Variants in ZNF695 observed in about 807,000 individuals in gnomAD.
The protein encoded by ZNF695 is zinc finger protein 695, also known as zinc finger protein SBZF3.
A neutral mutation model predicts 11.2 loss-of-function variants in ZNF695; 11 were observed. The ratio of observed to expected loss-of-function variants is 0.98; its 90% CI spans 0.62 to 1.62. ZNF695 has a LOEUF of 1.62. Ranked by LOEUF, ZNF695 falls within the 40% of genes most tolerant of loss-of-function variation. ZNF695 has a pLI of 0.00. For synonymous variants in ZNF695, 190 were observed against 201.4 expected, an observed-to-expected ratio of 0.94 and a Z score of 0.48; for missense variants, 559 against 590.5, an observed-to-expected ratio of 0.95 and a Z score of 0.55.
intron 4 of ZNF695, among the ~76,000 whole-genome samples, chr1:246,972,931 G>GTA (rs57441901): frequency 0.12 from 17,879 of 144,958 alleles, 1,252 homozygotes; most frequent in Middle Eastern, 0.16. Flanking sequence ...TTTTTAATGT[G>GTA]TATATATATA....
At chr1:246,956,865 C>A (rs970607093) in intron 5 of ZNF695, among the ~76,000 whole-genome samples, 1 of 151,956 alleles carries the variant, frequency 6.6e-6, no homozygotes, top group African/African-American at 2.4e-5. Context: ...GAGATGATAA[C>A]GTTGTTGTGA....
At chr1:247,003,505 C>A (rs948738621) in intron 1 of ZNF695, among the ~76,000 whole-genome samples, 1 of 152,006 alleles carries the variant, frequency 6.6e-6, no homozygotes, top group Non-Finnish European at 1.5e-5. Flanking sequence ...TCATTATCTG[C>A]GTAATGAAAT....
At chr1:246,985,292 A>C (rs930579459), downstream of ZNF695, 5 of 984,582 alleles carry the variant, frequency 5.1e-6, no homozygotes, top group Non-Finnish European at 6.0e-6. Context: ...AATTTTGTGA[A>C]TAGTCCTTCA....
At chr1:246,953,944 C>CAAA (rs887310149) in intron 5 of ZNF695, among the ~76,000 whole-genome samples, 11 of 64,728 alleles carry the variant, frequency 1.7e-4, no homozygotes, top group African/African-American at 6.2e-4. Context: ...AACAAACAAG[C>CAAA]AAAAAAAAAA....
chr1:246,985,633 TCAAA>T lies in ZNF695; in HGVS notation c.*1330_*1333del, dbSNP rs1295138617. ...AATGTCTTATTAAAACAAATTAAGTTCAAACAGTCTAAAAAGAGCATTTCAAAAT... is the reference window on the plus strand; with the variant it reads ...AATGTCTTATTAAAACAAATTAAGTTCAGTCTAAAAAGAGCATTTCAAAAT... On this transcript the variant is annotated 3_prime_UTR_variant, in exon 4 of 4. Coordinates refer to ENST00000339986, the MANE Select transcript of ZNF695 (RefSeq NM_020394.5). 7.1e-6 allele frequency: 7 copies of T among 985,378 alleles called. No homozygotes were observed. Among genetic ancestry groups the T allele is most frequent in the African/African-American group, 1.7e-5 (1 of 57,362 alleles). The allele number at this position is 985,378 out of a possible 1,614,324, so 61.0% of individuals were successfully genotyped here. A position where few individuals can be genotyped will look rare whatever the true frequency, so the allele number is the denominator to read the frequency against.
At chr1:246,979,558 T>C (rs1196719143) in intron 4 of ZNF695, among the ~76,000 whole-genome samples, 1 of 152,212 alleles carries the variant, frequency 6.6e-6, no homozygotes, top group African/African-American at 2.4e-5. Context: ...AATTATCTTT[T>C]AATTGATAGC....
chr1:246,972,865 GCTTTC>G (rs1668462591), intron 4 of ZNF695, among the ~76,000 whole-genome samples: 1 of 150,980 alleles, frequency 6.6e-6, no homozygotes. Flanking sequence ...TTCTGCAGGT[GCTTTC>G]AGAAAAAAAA....
At chr1:246,976,613 T>C (rs1043281501) in intron 4 of ZNF695, among the ~76,000 whole-genome samples, 9 of 151,406 alleles carry the variant, frequency 5.9e-5, no homozygotes, top group Non-Finnish European at 7.4e-5. Flanking sequence ...GCTAACACGG[T>C]GAAACCCCGT....
chr1:246,980,732 T>C (rs1018138564), downstream of ZNF695, among the ~76,000 whole-genome samples: 2 of 152,148 alleles, frequency 1.3e-5, no homozygotes, highest in Non-Finnish European at 2.9e-5. Context: ...TTACCCATTT[T>C]TGAGTGTACA....
chr1:246,989,629 A>C (rs1668966720), intron 3 of ZNF695, among the ~76,000 whole-genome samples: 2 of 152,318 alleles, frequency 1.3e-5, no homozygotes, highest in South Asian at 4.1e-4. Flanking sequence ...TACCAATAAC[A>C]ACATTGAATG....
chr1:247,007,763 C>G (rs1033912690), intron 1 of ZNF695, 143 bp downstream of exon 1: 11 of 940,004 alleles, frequency 1.2e-5, no homozygotes, highest in African/African-American at 1.7e-5. Flanking sequence ...GACTGAGGGC[C>G]GAGCTGCGCC....
intron 5 of ZNF695, among the ~76,000 whole-genome samples, chr1:246,950,715 T>C (rs1667853025): frequency 6.6e-6 from 1 of 151,742 alleles, no homozygotes; most frequent in Non-Finnish European, 1.5e-5. Flanking sequence ...TTACAGGGAT[T>C]TGTAAAGCTA....
At position 246,987,703 on chromosome 1, in the gene ZNF695, T is replaced by C. The variant is rs754594341; in HGVS notation, c.812A>G (p.Glu271Gly). 6.3e-7 allele frequency: 1 copy of C among 1,594,754 alleles called. No individual in the cohort carries two copies. Among genetic ancestry groups the C allele is most frequent in the East Asian group, 2.2e-5 (1 of 44,808 alleles). The change falls in exon 4 of 4, where the codon GAA (glutamate) becomes GGA (glycine). Residue 271 changes from glutamate to glycine, a missense_variant. By Grantham distance (98) the Glu-to-Gly change is moderately conservative. Transcript: ENST00000339986. ...NHTEKKTYRC[E>G]ECGKAFNLCS... Reference sequence around the variant, plus strand: ...CAGGTTAAAAGCTTTGCCACATTCTTCACATCTGTAGGTTTTCTTTTCAGT... The same window carrying C: ...CAGGTTAAAAGCTTTGCCACATTCTCCACATCTGTAGGTTTTCTTTTCAGT...
rs975959936 is a variant in ZNF695, at chr1:246,967,599, T to C, written c.488+96A>G. The C allele has an allele frequency of 1.5e-5, 6 of 392,972 alleles. No homozygotes were observed. The highest frequency in any genetic ancestry group is 2.5e-5 in the Non-Finnish European group (5 of 196,474). The allele number at this position is 392,972 out of a possible 1,614,324, so 24.3% of individuals were successfully genotyped here. A position where few individuals can be genotyped will look rare whatever the true frequency, so the allele number is the denominator to read the frequency against. ...AGGTTTCAGGGGAAGATCAGGAGTT[T>C]TGACCTGGCCTTGTGTATTAATCCA... On this transcript the variant is annotated intron_variant, in intron 5 of 5. Coordinates refer to the ZNF695 transcript ENST00000487338.
chr1:246,954,145 A>C (rs934406192), intron 5 of ZNF695, among the ~76,000 whole-genome samples: 39 of 152,180 alleles, frequency 2.6e-4, no homozygotes, highest in African/African-American at 9.2e-4. Context: ...GAATGAACGA[A>C]TGACTTCAGT....
intron 1 of ZNF695, among the ~76,000 whole-genome samples, chr1:247,002,792 A>G (rs59637497): frequency 4.4e-4 from 67 of 150,936 alleles, no homozygotes; most frequent in African/African-American, 1.5e-3. Context: ...CAAAAAAAAA[A>G]GGGGGGGGCA....
At chr1:246,973,738 G>A (rs549635177) in intron 4 of ZNF695, among the ~76,000 whole-genome samples, 1 of 152,292 alleles carries the variant, frequency 6.6e-6, no homozygotes, top group South Asian at 2.1e-4. Flanking sequence ...GATGAGAAAA[G>A]CGAAGATCAG....
At chr1:247,004,142 C>T (rs759480888) in intron 1 of ZNF695, among the ~76,000 whole-genome samples, 16 of 152,096 alleles carry the variant, frequency 1.1e-4, no homozygotes, top group East Asian at 1.9e-4. Flanking sequence ...ACCCAGAGGG[C>T]GGAGGTTGCA....
intron 5 of ZNF695, among the ~76,000 whole-genome samples, chr1:246,961,633 C>T (rs1668166273): frequency 6.6e-6 from 1 of 152,212 alleles, no homozygotes; most frequent in Non-Finnish European, 1.5e-5. Context: ...CCTCTTGCTA[C>T]CTCTGCTTAT....
Sources: allele counts gnomAD v4.1 joint callset (sites outside exome capture counted in the v4.1 genomes callset), GRCh38; gene constraint gnomAD v4.1.1; transcripts MANE v1.5; gene names NCBI Gene and HGNC (gene_info 2026-07-23, HGNC 2026-07-21).